Variants in SPHKAP observed in about 807,000 individuals in gnomAD.
The protein encoded by SPHKAP is A-kinase anchor protein SPHKAP.
In SPHKAP, 67 loss-of-function variants were observed where a neutral mutation model predicts 137.5. The ratio of observed to expected loss-of-function variants is 0.49; its 90% CI spans 0.40 to 0.60. SPHKAP has a LOEUF of 0.60. Among genes scored for constraint, SPHKAP ranks in the 20% least tolerant of loss-of-function variants. The pLI is 0.00. For missense variants in SPHKAP, 2,097 were observed against 2,069.3 expected, an observed-to-expected ratio of 1.01 and a Z score of -0.26; for synonymous variants, 813 against 785.3, an observed-to-expected ratio of 1.04 and a Z score of -0.59.
At chr2:227,982,601 T>C (rs923300636) in intron 11 of SPHKAP, among the ~76,000 whole-genome samples, 1 of 152,178 alleles carries the variant, frequency 6.6e-6, no homozygotes, top group African/African-American at 2.4e-5. Flanking sequence ...ACTCTCTAAC[T>C]CCTTAGGTAC....
intron 3 of SPHKAP, among the ~76,000 whole-genome samples, chr2:228,037,918 T>C (rs926588693): frequency 1.2e-4 from 18 of 152,168 alleles, no homozygotes; most frequent in Non-Finnish European, 2.6e-4. Context: ...AAGTTTTCAA[T>C]CTCTACAAGT....
At chr2:228,064,630 C>T (rs1203407025) in intron 3 of SPHKAP, among the ~76,000 whole-genome samples, 3 of 152,072 alleles carry the variant, frequency 2.0e-5, no homozygotes, top group African/African-American at 7.2e-5. Flanking sequence ...GGTTATATTT[C>T]CTGATATAGA....
chr2:228,101,444 T>C (rs1423988414), intron 3 of SPHKAP, among the ~76,000 whole-genome samples: 2 of 152,224 alleles, frequency 1.3e-5, no homozygotes, highest in Non-Finnish European at 2.9e-5. Context: ...TGAGTCTTCA[T>C]GATGTAGATG....
intron 3 of SPHKAP, among the ~76,000 whole-genome samples, chr2:228,031,710 A>C (rs1695329843): frequency 6.6e-6 from 1 of 152,178 alleles, no homozygotes; most frequent in Non-Finnish European, 1.5e-5. Flanking sequence ...GCAGTTCACC[A>C]AGATCTGCTG....
At position 228,139,308 on chromosome 2, in the gene SPHKAP, A is replaced by T. The variant is rs539621296; in HGVS notation, c.33-7223T>A. On this transcript the variant is annotated intron_variant, in intron 1 of 11. Transcript: ENST00000392056. ...TTATTTAGGCAACTCTAAATCTATC[A>T]GATATACACAGTAAAATGTGAAATC... Among the ~76,000 whole-genome samples the T allele has an allele frequency of 2.4e-4, 36 of 152,266 alleles. 1 individual carries two copies. The South Asian group carries it at 7.3e-3, about 31-fold the overall frequency.
Position 228,018,029 on chromosome 2 carries a change from G to A in SPHKAP, c.2825C>T (p.Thr942Ile), listed in dbSNP as rs1694678419. The A allele has an allele frequency of 1.2e-6, 2 of 1,614,132 alleles. No homozygotes were observed. Among genetic ancestry groups the A allele is most frequent in the Non-Finnish European group, 1.7e-6 (2 of 1,180,022 alleles). ...ELADTVVSMA[T>I]EIAAICLDNS... ...GTCAAGGCAAATCGCTGCAATTTCA[G>A]TTGCCATGGAGACGACCGTGTCTGC... Residue 942 changes from threonine (T) to isoleucine (I), a missense_variant, in exon 7 of 12, where the codon ACT becomes ATT. Physicochemically the swap from Thr to Ile is moderately conservative, Grantham distance 89 (BLOSUM62 -1). Coordinates refer to ENST00000392056, the MANE Select transcript of SPHKAP (RefSeq NM_001142644.2).
chr2:228,034,193 G>A (rs1466017696), intron 3 of SPHKAP, among the ~76,000 whole-genome samples: 2 of 152,086 alleles, frequency 1.3e-5, no homozygotes, highest in African/African-American at 4.8e-5. Flanking sequence ...AATGATAAAG[G>A]TGATATCACC....
chr2:227,995,746 A>C, intron 7 of SPHKAP, 52 bp from the exon 8 acceptor site: 1 of 1,477,132 alleles, frequency 6.8e-7, no homozygotes, highest in Non-Finnish European at 8.9e-7. Context: ...ACACACACAC[A>C]CAGAAACTTC....
At chr2:228,006,016 T>A (rs896609170) in intron 7 of SPHKAP, among the ~76,000 whole-genome samples, 6 of 152,152 alleles carry the variant, frequency 3.9e-5, no homozygotes, top group African/African-American at 1.4e-4. Context: ...CAATTATGTG[T>A]CTTGGAGTTG....
chr2:228,049,354 C>T (rs1176716634), intron 3 of SPHKAP, among the ~76,000 whole-genome samples: 1 of 152,174 alleles, frequency 6.6e-6, no homozygotes, highest in African/African-American at 2.4e-5. Flanking sequence ...AAATATCTGC[C>T]TTCTGCCCCA....
chr2:228,084,435 T>C (rs559157345), intron 3 of SPHKAP, among the ~76,000 whole-genome samples: 9 of 152,160 alleles, frequency 5.9e-5, no homozygotes, highest in Admixed American at 3.9e-4. Flanking sequence ...ACTAAGAAAA[T>C]AGATCCATTC....
chr2:228,027,729 A>T (rs1452882047), intron 3 of SPHKAP, among the ~76,000 whole-genome samples, 186 bp from the exon 4 acceptor site: 1 of 152,090 alleles, frequency 6.6e-6, no homozygotes. Flanking sequence ...GCACTTTAGG[A>T]GGCCAAGGCG....
chr2:227,995,631 A>G lies in SPHKAP; in HGVS notation c.4512T>C (p.Asp1504=). Residue 1504 remains aspartate (D), a synonymous_variant, in exon 8 of 12, where the codon GAT becomes GAC. Transcript: ENST00000392056. ...TGCTGCTTGGAGGGTTGGGGGCCTCATCGGGGGCTCTGGCTTCTGTGGAGG... is the reference window on the plus strand; with the variant it reads ...TGCTGCTTGGAGGGTTGGGGGCCTCGTCGGGGGCTCTGGCTTCTGTGGAGG... ...AEASTEARAP[D]EAPNPPSSSE... is the part of the protein sequence containing the mutation. 1 of 1,613,736 alleles carries G rather than the reference A, an allele frequency of 6.2e-7. No homozygotes were observed. The highest frequency in any genetic ancestry group is 1.1e-5 in the South Asian group (1 of 91,034).
intron 3 of SPHKAP, among the ~76,000 whole-genome samples, chr2:228,028,993 G>T (rs1695177376): frequency 6.6e-6 from 1 of 152,206 alleles, no homozygotes; most frequent in Admixed American, 6.5e-5. Context: ...ACCATCACTA[G>T]TGGGTTGGAC....
At chr2:228,129,729 C>T (rs1476695332) in intron 2 of SPHKAP, among the ~76,000 whole-genome samples, 3 of 151,218 alleles carry the variant, frequency 2.0e-5, no homozygotes, top group Non-Finnish European at 4.4e-5. Context: ...TATGCATACA[C>T]ACACAAATAT....
intron 7 of SPHKAP, among the ~76,000 whole-genome samples, chr2:228,009,901 G>C (rs550760502): frequency 3.3e-5 from 5 of 152,132 alleles, no homozygotes; most frequent in Non-Finnish European, 7.3e-5. Flanking sequence ...AGTACTATGC[G>C]AGCTTGTGGC....
chr2:228,119,075 G>A (rs932625881), intron 2 of SPHKAP, among the ~76,000 whole-genome samples: 1 of 152,132 alleles, frequency 6.6e-6, no homozygotes, highest in South Asian at 2.1e-4. Context: ...GGATGACATT[G>A]AGCAGAGATC....
At chr2:228,171,963 G>A (rs1273924843) in intron 1 of SPHKAP, among the ~76,000 whole-genome samples, 1 of 152,068 alleles carries the variant, frequency 6.6e-6, no homozygotes, top group Non-Finnish European at 1.5e-5. Context: ...TGTTTATCTT[G>A]AAAATTTTTG....
intron 2 of SPHKAP, among the ~76,000 whole-genome samples, chr2:228,112,109 C>T (rs1698536660): frequency 6.6e-6 from 1 of 152,006 alleles, no homozygotes; most frequent in African/African-American, 2.4e-5. Context: ...ATCTTTAAGC[C>T]AACTGATGTT....
Sources: allele counts gnomAD v4.1 joint callset (sites outside exome capture counted in the v4.1 genomes callset), GRCh38; gene constraint gnomAD v4.1.1; transcripts MANE v1.5; gene names NCBI Gene and HGNC (gene_info 2026-07-23, HGNC 2026-07-21).